MCC: variants seen among roughly 807,000 people sequenced by gnomAD.
MCC encodes colorectal mutant cancer protein.
MCC carries 90 observed loss-of-function variants against 116.2 expected under a neutral mutation model. The observed-to-expected ratio is 0.77, with a 90% confidence interval of 0.65 to 0.92. The LOEUF is 0.92. Among genes scored for constraint, MCC ranks in the 40% least tolerant of loss-of-function variants. The probability of loss-of-function intolerance (pLI) is 0.00; values close to 1 mark genes in which losing one functional copy is unlikely to be tolerated. For synonymous variants in MCC, 578 were observed against 510.5 expected, an observed-to-expected ratio of 1.13 and a Z score of -1.78; for missense variants, 1,516 against 1,312.2, an observed-to-expected ratio of 1.16 and a Z score of -2.40.
intron 17 of MCC, among the ~76,000 whole-genome samples, chr5:113,041,227 G>A (rs961630049): frequency 1.3e-5 from 2 of 152,172 alleles, no homozygotes; most frequent in African/African-American, 4.8e-5. Context: ...TCCACCATCA[G>A]CTTGGAGGCC....
Position 113,049,083 on chromosome 5 carries a change from C to T in MCC, c.2655+10G>A, listed in dbSNP as rs1263863625. 6 of 1,614,016 alleles carry T rather than the reference C, an allele frequency of 3.7e-6. No homozygotes were observed. The East Asian group carries it at 1.3e-4, about 36-fold the overall frequency. On this transcript the variant is annotated intron_variant, in intron 16 of 18. Coordinates refer to ENST00000408903, the MANE Select transcript of MCC (RefSeq NM_001085377.2). ...AGCCTAAGGGTGTCCCCAAGCCACT[C>T]CGGCCCTACCTTGCCAGGTTTGTCT...
chr5:113,280,513 CTAAGTCG>C (rs1285506484), intron 3 of MCC, among the ~76,000 whole-genome samples: 3 of 152,232 alleles, frequency 2.0e-5, no homozygotes, highest in Admixed American at 1.3e-4. Context: ...TTATAGAATT[CTAAGTCG>C]TAAGTCAGAG....
intron 2 of MCC, among the ~76,000 whole-genome samples, chr5:113,383,974 A>G (rs1769186180): frequency 6.6e-6 from 1 of 152,236 alleles, no homozygotes; most frequent in African/African-American, 2.4e-5. Context: ...ATGAGATCAA[A>G]GACACATTTT....
intron 11 of MCC, among the ~76,000 whole-genome samples, chr5:113,077,167 G>C (rs1270070199): frequency 6.6e-6 from 1 of 152,162 alleles, no homozygotes; most frequent in African/African-American, 2.4e-5. Context: ...CAAGTCCTTA[G>C]AGACCTACAA....
At chr5:113,159,670 C>A (rs73244727) in intron 3 of MCC, among the ~76,000 whole-genome samples, 2 of 152,180 alleles carry the variant, frequency 1.3e-5, no homozygotes, top group East Asian at 1.9e-4. Context: ...AGACTCCACA[C>A]CCAGGTGTTC....
intron 2 of MCC, among the ~76,000 whole-genome samples, chr5:113,349,349 T>C (rs1427690277): frequency 1.3e-5 from 2 of 152,094 alleles, no homozygotes; most frequent in East Asian, 1.9e-4. Flanking sequence ...TCATTCATCA[T>C]GACAAAGTGG....
chr5:113,383,321 G>C (rs140085899), intron 2 of MCC, among the ~76,000 whole-genome samples: 135 of 152,204 alleles, frequency 8.9e-4, no homozygotes, highest in African/African-American at 3.2e-3. Context: ...AGAAAAATCT[G>C]AAAATACAGC....
chr5:113,261,463 C>G (rs1765216363), intron 3 of MCC, among the ~76,000 whole-genome samples: 1 of 152,068 alleles, frequency 6.6e-6, no homozygotes, highest in Non-Finnish European at 1.5e-5. Context: ...GAAGTTTGCC[C>G]ACCTTTTCCT....
At chr5:113,189,890 T>C (rs904449515) in intron 3 of MCC, among the ~76,000 whole-genome samples, 2 of 152,188 alleles carry the variant, frequency 1.3e-5, no homozygotes, top group African/African-American at 2.4e-5. Context: ...TGAAGCTATA[T>C]AACATTCCTG....
At chr5:113,256,939 T>A (rs1765027609) in intron 3 of MCC, among the ~76,000 whole-genome samples, 1 of 152,190 alleles carries the variant, frequency 6.6e-6, no homozygotes, top group Non-Finnish European at 1.5e-5. Context: ...CCTTGAGTTC[T>A]CCAAGGTGAC....
chr5:113,425,311 T>C (rs897732723), intron 1 of MCC, among the ~76,000 whole-genome samples: 32 of 152,122 alleles, frequency 2.1e-4, no homozygotes, highest in Admixed American at 5.9e-4. Flanking sequence ...ATCAATCAAA[T>C]GAAAGGGCAG....
At chr5:113,032,277 G>A (rs1024965999) in intron 17 of MCC, among the ~76,000 whole-genome samples, 1 of 152,022 alleles carries the variant, frequency 6.6e-6, no homozygotes, top group Non-Finnish European at 1.5e-5. Flanking sequence ...GTGTGGTGGC[G>A]CTTGCCTGTA....
At chr5:113,258,119 C>CA (rs1765087887) in intron 3 of MCC, among the ~76,000 whole-genome samples, 1 of 152,138 alleles carries the variant, frequency 6.6e-6, no homozygotes, top group Admixed American at 6.5e-5. Context: ...GGCAGTTTTT[C>CA]AGTGAGCACA....
chr5:113,278,061 T>C (rs904122451), intron 3 of MCC, among the ~76,000 whole-genome samples: 1 of 152,208 alleles, frequency 6.6e-6, no homozygotes, highest in Non-Finnish European at 1.5e-5. Context: ...TCCCAATGCC[T>C]GTCCTTCCCT....
At chr5:113,280,698 C>G (rs1766010164) in intron 3 of MCC, among the ~76,000 whole-genome samples, 1 of 152,072 alleles carries the variant, frequency 6.6e-6, no homozygotes, top group African/African-American at 2.4e-5. Context: ...TTTGAGAGGG[C>G]AGGAGGGAGG....
At chr5:113,364,238 G>GAAAAAAAACAAAAAAAAAAAACA (rs1768626073) in intron 2 of MCC, among the ~76,000 whole-genome samples, 1 of 49,422 alleles carries the variant, frequency 2.0e-5, no homozygotes, top group African/African-American at 7.5e-5. Context: ...CTCAAAAACA[G>GAAAAAAAACAAAAAAAAAAAACA]AAAAAAAAAA....
At chr5:113,099,524 G>A (rs975810257) in intron 8 of MCC, among the ~76,000 whole-genome samples, 3 of 152,202 alleles carry the variant, frequency 2.0e-5, no homozygotes, top group African/African-American at 7.2e-5. Flanking sequence ...GCCAGACATC[G>A]CCTAACCACT....
rs749723282 is a variant in MCC at position 113,101,715 on chromosome 5, C to T, written c.1398+24G>A. ...AGCCCCATGCCCAGGAAGGGCCTGA[C>T]CATTATGGATGCAGCATGCTCACCC... On this transcript the variant is annotated intron_variant, in intron 8 of 18. Transcript: ENST00000408903. 6.2e-6 allele frequency: 10 copies of T among 1,611,598 alleles called. No individual in the cohort carries two copies. The East Asian group carries it at 1.8e-4, about 29-fold the overall frequency.
At chr5:113,428,977 T>G (rs1770552572) in intron 1 of MCC, among the ~76,000 whole-genome samples, 1 of 152,198 alleles carries the variant, frequency 6.6e-6, no homozygotes. Flanking sequence ...CTAGACCTAT[T>G]AAGGTAATAA....
Sources: gnomAD v4.1 joint callset for allele counts (sites outside exome capture counted in the v4.1 genomes callset) on GRCh38, gnomAD v4.1.1 for gene constraint, MANE v1.5 for transcripts, NCBI Gene and HGNC (gene_info 2026-07-23, HGNC 2026-07-21) for gene names.